The following ZNF705A variants were observed in gnomAD, a reference collection of about 807,000 sequenced individuals.
The protein encoded by ZNF705A is zinc finger protein 705A.
A neutral mutation model predicts 16.6 loss-of-function variants in ZNF705A; 8 were observed. The observed-to-expected ratio is 0.48, with a 90% CI of 0.28 to 0.87. The LOEUF (loss-of-function observed/expected upper bound fraction) is 0.87, where lower values mean the gene tolerates loss of function less well. Ranked by LOEUF, ZNF705A falls within the 40% of genes least tolerant of loss-of-function variation. The pLI, the probability that ZNF705A is intolerant of heterozygous loss-of-function variation, is 0.10. For missense variants in ZNF705A, 233 were observed against 359.9 expected (o/e 0.65, Z 2.85); for synonymous variants, 73 against 117.3 (o/e 0.62, Z 2.44).
chr12:8,167,283 C>T (rs763969444), intron 1 of ZNF705A, among the ~76,000 whole-genome samples: 3 of 152,116 alleles, frequency 2.0e-5, no homozygotes, highest in Non-Finnish European at 2.9e-5. Context: ...AATTAATCTT[C>T]ACATTTTTAC....
intron 1 of ZNF705A, among the ~76,000 whole-genome samples, chr12:8,164,909 A>G (rs1034891803): frequency 6.6e-6 from 1 of 152,216 alleles, no homozygotes; most frequent in Non-Finnish European, 1.5e-5. Flanking sequence ...AGGAATCACC[A>G]TACTGTCTTC....
upstream of ZNF705A, chr12:8,172,488 T>C: frequency 8.7e-7 from 1 of 1,155,830 alleles, no homozygotes; most frequent in Non-Finnish European, 1.3e-6. Flanking sequence ...AAAGTCTGGC[T>C]TTTCATCGGT....
chr12:8,159,839 C>T (rs1565412925), intron 1 of ZNF705A, among the ~76,000 whole-genome samples: 1 of 152,028 alleles, frequency 6.6e-6, no homozygotes, highest in African/African-American at 2.4e-5. Context: ...TAAGTCCCAG[C>T]TCTTTATCTT....
chr12:8,179,471 AC>A (rs1176274368), exon 5 of ZNF705A: 1 of 152,260 alleles, frequency 6.6e-6, no homozygotes, highest in African/African-American at 2.4e-5. Context: ...GAGCCTCAGT[AC>A]TGAACCTAAA....
chr12:8,164,803 C>CATGT (rs1948384272), intron 1 of ZNF705A, among the ~76,000 whole-genome samples: 1 of 152,118 alleles, frequency 6.6e-6, no homozygotes, highest in Non-Finnish European at 1.5e-5. Context: ...CATATGTGTG[C>CATGT]ATGTATCTTT....
upstream of ZNF705A, among the ~76,000 whole-genome samples, chr12:8,171,761 G>T (rs1479887151): frequency 6.6e-6 from 1 of 151,946 alleles, no homozygotes; most frequent in African/African-American, 2.4e-5. Flanking sequence ...TTTTGAGACA[G>T]AGTCTCGCTC....
exon 5 of ZNF705A, chr12:8,178,279 C>T (rs1018661887): frequency 2.0e-5 from 3 of 153,250 alleles, no homozygotes; most frequent in African/African-American, 7.2e-5. Context: ...TTTCCAAGGG[C>T]AATGAATTCT....
At chr12:8,179,290 CA>C (rs1671105607) in exon 5 of ZNF705A, 1 of 152,150 alleles carries the variant, frequency 6.6e-6, no homozygotes, top group African/African-American at 2.4e-5. Flanking sequence ...CCTTTTACTG[CA>C]GTCCAGAAGA....
At chr12:8,175,642 C>T (rs190654612) in intron 3 of ZNF705A, among the ~76,000 whole-genome samples, 111 of 152,278 alleles carry the variant, frequency 7.3e-4, no homozygotes, top group Admixed American at 2.1e-3. Flanking sequence ...CCTGATATCT[C>T]ATCTCCATTT....
At chr12:8,174,416 G>A (rs1401584670) in exon 2 of ZNF705A, 7 of 1,594,704 alleles carry the variant, frequency 4.4e-6, no homozygotes, top group Non-Finnish European at 5.9e-6. Flanking sequence ...GTACAGAGAT[G>A]TGATGCTGGA....
chr12:8,176,033 T>C, intron 4 of ZNF705A, 91 bp downstream of exon 5: 2 of 1,579,564 alleles, frequency 1.3e-6, no homozygotes, highest in Non-Finnish European at 1.7e-6. Context: ...CTGAGTGTAA[T>C]TAGGCTGGCA....
Position 8,163,376 on chromosome 12 carries a change from T to C in ZNF705A, c.-72+6284T>C, listed in dbSNP as rs11043685. ...ATAATGTAAACTTTCTTAGTCTACATCTAATAAAACTCCCACCAGCATACA... is the reference window on the plus strand; with the variant it reads ...ATAATGTAAACTTTCTTAGTCTACACCTAATAAAACTCCCACCAGCATACA... On this transcript the variant is annotated intron_variant, in intron 1 of 5. Transcript: ENST00000396570. Among the ~76,000 whole-genome samples, 87 of 152,340 alleles carry C rather than the reference T, an allele frequency of 5.7e-4. 3 individuals are homozygous for C. The East Asian group carries it at 0.017, about 29-fold the overall frequency.
chr12:8,171,713 C>A (rs1232235808), upstream of ZNF705A, among the ~76,000 whole-genome samples: 5 of 149,448 alleles, frequency 3.3e-5, no homozygotes, highest in African/African-American at 1.2e-4. Flanking sequence ...TGAAATAAAT[C>A]CCTGGATTGA....
chr12:8,168,003 G>A (rs1948414101), upstream of ZNF705A, among the ~76,000 whole-genome samples: 2 of 152,272 alleles, frequency 1.3e-5, no homozygotes, highest in Middle Eastern at 6.8e-3. Flanking sequence ...GAGAGTTTCC[G>A]GCATGCACAG....
intron 1 of ZNF705A, among the ~76,000 whole-genome samples, chr12:8,161,902 T>C (rs1466365116): frequency 6.6e-6 from 1 of 152,132 alleles, no homozygotes; most frequent in East Asian, 1.9e-4. Flanking sequence ...CAGAAGAAAG[T>C]AGAAAAATAA....
At chr12:8,174,662 T>C (rs1948471244) in intron 2 of ZNF705A, among the ~76,000 whole-genome samples, 1 of 152,228 alleles carries the variant, frequency 6.6e-6, no homozygotes, top group African/African-American at 2.4e-5. Context: ...TCAATTAGAA[T>C]GTAGTCTTGA....
At chr12:8,174,572 C>T in intron 2 of ZNF705A, 120 bp downstream of exon 3, 1 of 1,565,028 alleles carries the variant, frequency 6.4e-7, no homozygotes. Context: ...TCACAGATCT[C>T]ATCTGAAAAA....
intron 4 of ZNF705A, among the ~76,000 whole-genome samples, chr12:8,176,149 T>C (rs1051018580): frequency 2.6e-5 from 4 of 152,228 alleles, no homozygotes; most frequent in African/African-American, 9.6e-5. Context: ...AACAAGTGCA[T>C]ATACATTGCT....
In ZNF705A at chr12:8,174,472, C is replaced by T. The variant is rs373592291; in HGVS notation, c.139+20C>T. On this transcript the variant is annotated intron_variant, in intron 2 of 4. Transcript: ENST00000359286. The stretch of plus-strand genomic sequence containing the variant: ...CCCTCGGTGAGTCCCTCAACATTCA[C>T]GTACATATGTAGACACACATTCGCT... The T allele has an allele frequency of 3.4e-4, 544 of 1,592,340 alleles. 3 individuals carry two copies. The highest frequency in any genetic ancestry group is 3.1e-3 in the East Asian group (139 of 44,814).
Sources: gnomAD v4.1 joint callset for allele counts (sites outside exome capture counted in the v4.1 genomes callset) on GRCh38, gnomAD v4.1.1 for gene constraint, MANE v1.5 for transcripts, NCBI Gene and HGNC (gene_info 2026-07-23, HGNC 2026-07-21) for gene names.